Variants in PCMT1 observed in about 807,000 individuals in gnomAD.
The protein encoded by PCMT1 is protein-L-isoaspartate (D-aspartate) O-methyltransferase.
PCMT1 carries 9 observed loss-of-function variants against 29.2 expected under a neutral mutation model. The observed-to-expected ratio is 0.31, with a 90% CI of 0.19 to 0.54. The LOEUF is 0.54. Ranked by LOEUF, PCMT1 falls within the 20% of genes least tolerant of loss-of-function variation. The pLI is 0.95. For synonymous variants in PCMT1, 98 were observed against 97.5 expected (o/e 1.00, Z -0.03); for missense variants, 184 against 282.2 (o/e 0.65, Z 2.49).
chr6:149,765,204 C>G (rs1414510950), intron 1 of PCMT1, among the ~76,000 whole-genome samples: 1 of 149,828 alleles, frequency 6.7e-6, no homozygotes, highest in African/African-American at 2.5e-5. Flanking sequence ...ACTAAAAATA[C>G]AGAAAATTAG....
rs149712544 is a variant in PCMT1, at chr6:149,767,493, C to T, written c.56-3669C>T. On this transcript the variant is annotated intron_variant, in intron 1 of 7. Transcript: ENST00000464889. ...ATTGAGACAGGGTTTCACTCTGTCA[C>T]CCAGGCTAGGGTGCAGTGGCATGAT... is the stretch of plus-strand genomic sequence containing the variant. Among the ~76,000 whole-genome samples, 712 of 152,226 alleles carry T rather than the reference C, an allele frequency of 4.7e-3. 8 individuals are homozygous for T. The highest frequency in any genetic ancestry group is 0.027 in the Middle Eastern group (8 of 294).
chr6:149,788,813 C>G (rs545657045), intron 3 of PCMT1, among the ~76,000 whole-genome samples: 154 of 152,306 alleles, frequency 1.0e-3, no homozygotes, highest in African/African-American at 2.9e-3. Context: ...TGTTAGTCCA[C>G]TAGTTTTAGC....
chr6:149,790,275 A>G (rs1056891222), intron 4 of PCMT1, among the ~76,000 whole-genome samples: 1 of 152,178 alleles, frequency 6.6e-6, no homozygotes, highest in East Asian at 1.9e-4. Flanking sequence ...AGTTCATATA[A>G]CAGAAAAGTC....
chr6:149,772,144 C>G, intron 2 of PCMT1: 1 of 456,376 alleles, frequency 2.2e-6, no homozygotes, highest in Non-Finnish European at 4.4e-6. Context: ...CTTCTTTTGA[C>G]GCACTATAAC....
At chr6:149,793,207 A>G (rs930035750) in intron 4 of PCMT1, among the ~76,000 whole-genome samples, 4 of 152,050 alleles carry the variant, frequency 2.6e-5, no homozygotes, top group Non-Finnish European at 4.4e-5. Flanking sequence ...TTCTTTATGT[A>G]ACATTTTAAT....
chr6:149,777,466 A>AAATGG (rs35422168), intron 3 of PCMT1, among the ~76,000 whole-genome samples: 6 of 39,522 alleles, frequency 1.5e-4, no homozygotes, highest in Non-Finnish European at 2.2e-4. Flanking sequence ...TGAAACTGTT[A>AAATGG]AAAGAACTCT....
At chr6:149,782,305 A>G (rs150751539) in intron 3 of PCMT1, among the ~76,000 whole-genome samples, 437 of 152,260 alleles carry the variant, frequency 2.9e-3, no homozygotes, top group African/African-American at 0.01. Context: ...TCTTAGCAGT[A>G]TTATAAGACA....
At chr6:149,774,856 G>A (rs953449715) in intron 3 of PCMT1, among the ~76,000 whole-genome samples, 6 of 151,876 alleles carry the variant, frequency 4.0e-5, no homozygotes, top group East Asian at 2.0e-4. Flanking sequence ...ACAGGTGCCC[G>A]CCACCATGCC....
chr6:149,758,208 C>CTTTCTTTTTTTTTTTTTTTT (rs1554251094), intron 1 of PCMT1, among the ~76,000 whole-genome samples: 1,133 of 73,608 alleles, frequency 0.015, 84 homozygotes, highest in Non-Finnish European at 0.02. Flanking sequence ...TTCTTTCTTT[C>CTTTCTTTTTTTTTTTTTTTT]TTTTTTTTTT....
intron 7 of PCMT1, among the ~76,000 whole-genome samples, chr6:149,807,495 C>T (rs145487988): frequency 0.015 from 2,332 of 152,130 alleles, 70 homozygotes; most frequent in African/African-American, 0.053. Context: ...CTCAGCCTCC[C>T]GCATAGCTGG....
chr6:149,794,278 G>A (rs1788503393), intron 5 of PCMT1, among the ~76,000 whole-genome samples: 1 of 152,068 alleles, frequency 6.6e-6, no homozygotes, highest in African/African-American at 2.4e-5. Flanking sequence ...ATGTTTTTGT[G>A]TATGAATATC....
At chr6:149,790,468 C>G (rs1164382358) in intron 4 of PCMT1, among the ~76,000 whole-genome samples, 2 of 151,534 alleles carry the variant, frequency 1.3e-5, no homozygotes, top group East Asian at 3.9e-4. Context: ...TACCTTCTTC[C>G]AAGTTCTGAT....
intron 1 of PCMT1, chr6:149,765,574 G>T (rs1462115969): frequency 8.3e-6 from 2 of 239,942 alleles, no homozygotes; most frequent in African/African-American, 2.4e-5. Context: ...TGCCTTTTTT[G>T]CTAATTTTAA....
chr6:149,760,680 T>C (rs1786699443), intron 1 of PCMT1, among the ~76,000 whole-genome samples: 1 of 152,078 alleles, frequency 6.6e-6, no homozygotes, highest in Non-Finnish European at 1.5e-5. Context: ...TGTGAAACCC[T>C]GTCTCTACTA....
intron 1 of PCMT1, among the ~76,000 whole-genome samples, chr6:149,767,826 C>G (rs975474129): frequency 2.6e-5 from 4 of 151,722 alleles, no homozygotes; most frequent in African/African-American, 9.7e-5. Flanking sequence ...TGACGTCTTG[C>G]TCTGTCACCC....
At chr6:149,778,488 C>G (rs1031788619) in intron 3 of PCMT1, among the ~76,000 whole-genome samples, 2 of 152,070 alleles carry the variant, frequency 1.3e-5, no homozygotes, top group African/African-American at 4.8e-5. Flanking sequence ...CTTGGCCTCC[C>G]AAAGTGCTGG....
intron 7 of PCMT1, among the ~76,000 whole-genome samples, chr6:149,802,770 G>A (rs1775879008): frequency 6.6e-6 from 1 of 151,908 alleles, no homozygotes; most frequent in African/African-American, 2.4e-5. Flanking sequence ...GTCTGTAAAA[G>A]AGGCCAGGCG....
chr6:149,785,416 T>C (rs1355688964), intron 3 of PCMT1, among the ~76,000 whole-genome samples: 1 of 150,888 alleles, frequency 6.6e-6, no homozygotes, highest in Non-Finnish European at 1.5e-5. Context: ...TTTTTATTTT[T>C]ATTTTTTTTT....
chr6:149,783,421 G>A (rs941308599), intron 3 of PCMT1, among the ~76,000 whole-genome samples: 5 of 152,026 alleles, frequency 3.3e-5, no homozygotes, highest in Non-Finnish European at 7.4e-5. Flanking sequence ...ATAAGCCACC[G>A]CACCCGTCCC....
Sources: allele counts gnomAD v4.1 joint callset (sites outside exome capture counted in the v4.1 genomes callset), GRCh38; gene constraint gnomAD v4.1.1; transcripts MANE v1.5; gene names NCBI Gene and HGNC (gene_info 2026-07-23, HGNC 2026-07-21).